Variants in EEPD1 observed in about 807,000 individuals in gnomAD.
EEPD1 encodes endonuclease/exonuclease/phosphatase family domain containing 1, also known as endonuclease/exonuclease/phosphatase family domain-containing protein 1.
Under a neutral mutation model 46.3 loss-of-function variants are expected in EEPD1, and 17 were observed. That is an observed-to-expected ratio of 0.37 (90% CI 0.25 to 0.55). The LOEUF is 0.55. EEPD1 is among the 20% of genes least tolerant of loss of function. EEPD1 has a pLI of 0.83. For missense variants in EEPD1, 673 were observed against 745.6 expected, an observed-to-expected ratio of 0.90 and a Z score of 1.13; for synonymous variants, 313 against 315.6, an observed-to-expected ratio of 0.99 and a Z score of 0.09.
At chr7:36,251,717 C>T (rs940200894) in intron 3 of EEPD1, among the ~76,000 whole-genome samples, 2 of 152,214 alleles carry the variant, frequency 1.3e-5, no homozygotes, top group African/African-American at 4.8e-5. Flanking sequence ...CCCAGTTCAT[C>T]TAACAAATCA....
intron 2 of EEPD1, among the ~76,000 whole-genome samples, chr7:36,178,697 C>T (rs1400720058): frequency 6.6e-6 from 1 of 152,188 alleles, no homozygotes; most frequent in East Asian, 1.9e-4. Context: ...CCATGAACAC[C>T]TGTGCACCAT....
At chr7:36,161,320 G>T (rs891824328) in intron 2 of EEPD1, among the ~76,000 whole-genome samples, 2 of 152,222 alleles carry the variant, frequency 1.3e-5, no homozygotes, top group Non-Finnish European at 2.9e-5. Context: ...AGGATGATGT[G>T]TGGGATGAGG....
At chr7:36,169,771 C>A (rs1785045117) in intron 2 of EEPD1, among the ~76,000 whole-genome samples, 1 of 152,210 alleles carries the variant, frequency 6.6e-6, no homozygotes, top group Non-Finnish European at 1.5e-5. Flanking sequence ...TGGAGAACTT[C>A]ATTTGGGATG....
At chr7:36,296,590 TC>T (rs1362828522) in intron 6 of EEPD1, among the ~76,000 whole-genome samples, 1 of 152,178 alleles carries the variant, frequency 6.6e-6, no homozygotes, top group African/African-American at 2.4e-5. Context: ...CTAGTCTGTC[TC>T]TCAGAGCAGG....
intron 3 of EEPD1, among the ~76,000 whole-genome samples, chr7:36,250,934 A>C (rs185848297): frequency 1.3e-5 from 2 of 152,304 alleles, no homozygotes; most frequent in African/African-American, 4.8e-5. Context: ...AAATGAGATG[A>C]GCCTAGTGAG....
intron 2 of EEPD1, among the ~76,000 whole-genome samples, chr7:36,196,423 C>T (rs181042416): frequency 5.8e-4 from 89 of 152,244 alleles, no homozygotes; most frequent in African/African-American, 2.1e-3. Context: ...CTCCCATCTC[C>T]CTCTCCCTCT....
At chr7:36,277,029 G>T (rs1389678931) in intron 3 of EEPD1, among the ~76,000 whole-genome samples, 1 of 152,244 alleles carries the variant, frequency 6.6e-6, no homozygotes, top group African/African-American at 2.4e-5. Context: ...AAAGCAAAAA[G>T]TGTGAGAACC....
chr7:36,209,429 C>A (rs545072179), intron 2 of EEPD1, among the ~76,000 whole-genome samples: 12 of 152,264 alleles, frequency 7.9e-5, no homozygotes, highest in African/African-American at 2.6e-4. Flanking sequence ...ATTGTAGAGC[C>A]AAGCCTGAGC....
chr7:36,173,844 C>T (rs796385289), intron 2 of EEPD1, among the ~76,000 whole-genome samples: 14 of 152,266 alleles, frequency 9.2e-5, no homozygotes, highest in African/African-American at 3.4e-4. Flanking sequence ...TTCCTTATGA[C>T]ACATGGTGGG....
At chr7:36,182,113 T>C (rs1022690977) in intron 2 of EEPD1, among the ~76,000 whole-genome samples, 1 of 152,128 alleles carries the variant, frequency 6.6e-6, no homozygotes, top group Admixed American at 6.5e-5. Context: ...CATCGCAGCG[T>C]TGGTTGTGGA....
rs1786216488 is a variant in EEPD1 at position 36,225,408 on chromosome 7, CTG to C, written c.879-13574_879-13573del. Among the ~76,000 whole-genome samples the C allele has an allele frequency of 6.6e-6, 1 of 152,180 alleles. No individual in the cohort carries two copies. Among genetic ancestry groups the C allele is most frequent in the Non-Finnish European group, 1.5e-5 (1 of 68,038 alleles). Reference sequence around the variant, plus strand: ...TGAAATCAGTGATCCGTCATCCAAACTGTGATGGAAGGAAACCCCGTGCTCAC... The same window carrying C: ...TGAAATCAGTGATCCGTCATCCAAACTGATGGAAGGAAACCCCGTGCTCAC... On this transcript the variant is annotated intron_variant, in intron 2 of 7. Transcript: ENST00000242108. This position sits in a 1 kb window ranked among gnomAD's most constrained non-coding sequence, Gnocchi z 4.2.
chr7:36,238,502 C>G (rs62445446), intron 2 of EEPD1, among the ~76,000 whole-genome samples: 1 of 152,188 alleles, frequency 6.6e-6, no homozygotes, highest in Non-Finnish European at 1.5e-5. Flanking sequence ...TAGTATTTGT[C>G]TTTTGTGACT....
chr7:36,219,796 AGAGAGAGAGAGTGTGTGT>A (rs1368158975), intron 2 of EEPD1, among the ~76,000 whole-genome samples: 6 of 80,236 alleles, frequency 7.5e-5, no homozygotes, highest in Non-Finnish European at 1.5e-4. Context: ...AGAGAGAGAG[AGAGAGAGAGAGTGTGTGT>A]GTGTGTGTGT....
chr7:36,160,681 G>GT (rs1554308608), intron 2 of EEPD1, among the ~76,000 whole-genome samples: 5 of 104,428 alleles, frequency 4.8e-5, no homozygotes, highest in Non-Finnish European at 6.2e-5. Flanking sequence ...GGTGGTGGGG[G>GT]GCGGGGCGTG....
At chr7:36,283,249 G>C (rs2115874397) in intron 4 of EEPD1, among the ~76,000 whole-genome samples, 2 of 152,328 alleles carry the variant, frequency 1.3e-5, no homozygotes, top group African/African-American at 4.8e-5. Flanking sequence ...AGGGGCATTG[G>C]GAAAGGCTCC....
At chr7:36,214,495 G>A (rs1189507545) in intron 2 of EEPD1, among the ~76,000 whole-genome samples, 8 of 152,214 alleles carry the variant, frequency 5.3e-5, no homozygotes, top group Non-Finnish European at 1.2e-4. Flanking sequence ...AAAGTTGGCT[G>A]TGGTGTAGTC....
chr7:36,174,316 A>C (rs1785140735), intron 2 of EEPD1, among the ~76,000 whole-genome samples: 1 of 152,204 alleles, frequency 6.6e-6, no homozygotes, highest in East Asian at 1.9e-4. Context: ...ACCCTGATAC[A>C]CAGATTCTGG....
intron 2 of EEPD1, among the ~76,000 whole-genome samples, chr7:36,170,587 G>A (rs1672627552): frequency 7.0e-6 from 1 of 142,226 alleles, no homozygotes; most frequent in African/African-American, 2.6e-5. Context: ...TTTTTTCAGA[G>A]CTCCCCTCAA....
chr7:36,216,423 C>T (rs1438612404), intron 2 of EEPD1, among the ~76,000 whole-genome samples: 2 of 152,226 alleles, frequency 1.3e-5, no homozygotes, highest in African/African-American at 4.8e-5. Flanking sequence ...AACACCTTTT[C>T]CACCTATTGG....
Sources: allele counts gnomAD v4.1 joint callset (sites outside exome capture counted in the v4.1 genomes callset), GRCh38; gene constraint gnomAD v4.1.1; non-coding constraint Gnocchi (gnomAD v3.1); transcripts MANE v1.5; gene names NCBI Gene and HGNC (gene_info 2026-07-23, HGNC 2026-07-21).